The following INPP5B variants were observed in gnomAD, a reference collection of about 807,000 sequenced individuals.
INPP5B encodes the protein inositol polyphosphate-5-phosphatase B, also known as type II inositol 1,4,5-trisphosphate 5-phosphatase.
A neutral mutation model predicts 118.5 loss-of-function variants in INPP5B; 90 were observed. The observed-to-expected ratio is 0.76, with a 90% CI of 0.64 to 0.90. The LOEUF is 0.90. Ranked by LOEUF, INPP5B falls within the 40% of genes least tolerant of loss-of-function variation. The pLI, the probability that INPP5B is intolerant of heterozygous loss-of-function variation, is 0.00. For missense variants in INPP5B, 984 were observed against 1,125.6 expected, an observed-to-expected ratio of 0.87 and a Z score of 1.80; for synonymous variants, 385 against 418.9, an observed-to-expected ratio of 0.92 and a Z score of 0.99.
intron 7 of INPP5B, among the ~76,000 whole-genome samples, chr1:37,906,859 CAA>C (rs35095328): frequency 1.3e-3 from 169 of 128,858 alleles, no homozygotes; most frequent in Non-Finnish European, 1.3e-3. Context: ...GACTCTGTCT[CAA>C]AAAAAAAAAA....
At position 37,862,200 on chromosome 1, in the gene INPP5B, A is replaced by G. The variant is rs1322273752; in HGVS notation, c.*115T>C. On this transcript the variant is annotated 3_prime_UTR_variant, in exon 24 of 24. Transcript: ENST00000373024. ...AATTGGGGTACTAGGCTCAGGAAATAGCTGCCATTCTTGCTACCAAGTGGC... is the reference window on the plus strand; with the variant it reads ...AATTGGGGTACTAGGCTCAGGAAATGGCTGCCATTCTTGCTACCAAGTGGC... The G allele has an allele frequency of 3.5e-5, 24 of 691,854 alleles. No homozygotes were observed. Among genetic ancestry groups the G allele is most frequent in the Non-Finnish European group, 6.2e-5 (24 of 385,964 alleles). 42.9% of individuals were successfully genotyped at this position (691,854 alleles called of 1,614,324 possible). A position where few individuals can be genotyped will look rare whatever the true frequency, so the allele number is the denominator to read the frequency against.
intron 7 of INPP5B, among the ~76,000 whole-genome samples, chr1:37,893,544 G>C (rs1643909705): frequency 6.6e-6 from 1 of 152,078 alleles, no homozygotes; most frequent in Non-Finnish European, 1.5e-5. Context: ...GCTAGTCTAG[G>C]TTACCAACAT....
At chr1:37,879,004 TC>T (rs1354741817) in intron 15 of INPP5B, among the ~76,000 whole-genome samples, 1 of 143,768 alleles carries the variant, frequency 7.0e-6, no homozygotes, top group Non-Finnish European at 1.5e-5. Flanking sequence ...ACGCCTGTAA[TC>T]CCAGCACTTT....
chr1:37,941,773 C>T (rs1394253641), intron 5 of INPP5B, among the ~76,000 whole-genome samples: 2 of 141,962 alleles, frequency 1.4e-5, no homozygotes, highest in East Asian at 4.1e-4. Context: ...CCCGTCTCTA[C>T]TAAAAATACA....
chr1:37,937,061 C>T (rs1235623953), intron 6 of INPP5B, among the ~76,000 whole-genome samples: 1 of 151,952 alleles, frequency 6.6e-6, no homozygotes, highest in African/African-American at 2.4e-5. Context: ...ACCTGTATTC[C>T]CAGCACTTTG....
Position 37,888,326 on chromosome 1 carries a change from G to T in INPP5B, c.816C>A (p.Tyr272Ter). 6.5e-7 allele frequency: 1 copy of T among 1,549,774 alleles called. No individual in the cohort carries two copies. The highest frequency in any genetic ancestry group is 8.7e-7 in the Non-Finnish European group (1 of 1,149,146). Residue 272 changes from tyrosine (Y) to a stop codon, truncating the protein, a stop_gained, in exon 10 of 24, where the codon TAC becomes TAA. Coordinates refer to ENST00000373024, the MANE Select transcript of INPP5B (RefSeq NM_005540.3). LOFTEE classifies it high-confidence loss of function. ...IQNFRFFAGT[Y>*]NVNGQSPKEC... ...CTTTGGGGGACTGCCCATTTACATT[G>T]TATGTTCCCGCAAAAAACCTGTCAC... is the stretch of plus-strand genomic sequence containing the variant.
intron 23 of INPP5B, among the ~76,000 whole-genome samples, chr1:37,863,168 C>T (rs1252669250): frequency 6.6e-6 from 1 of 151,368 alleles, no homozygotes; most frequent in Non-Finnish European, 1.5e-5. Context: ...CTCCCACTGG[C>T]TCCCAGCCCT....
chr1:37,896,523 G>C (rs112548136), intron 7 of INPP5B, among the ~76,000 whole-genome samples: 1 of 144,364 alleles, frequency 6.9e-6, no homozygotes, highest in East Asian at 2.2e-4. Flanking sequence ...GGTGAGGGGC[G>C]CCTCTGCCCG....
At chr1:37,926,248 A>T (rs1645223349) in intron 7 of INPP5B, among the ~76,000 whole-genome samples, 1 of 152,118 alleles carries the variant, frequency 6.6e-6, no homozygotes, top group Non-Finnish European at 1.5e-5. Context: ...AAGAAAAAAT[A>T]CTTAAACACA....
At chr1:37,933,706 C>G (rs1274601406) in intron 6 of INPP5B, among the ~76,000 whole-genome samples, 1 of 147,716 alleles carries the variant, frequency 6.8e-6, no homozygotes, top group Admixed American at 6.9e-5. Context: ...GGTGACAGAG[C>G]TAGACTCTGT....
chr1:37,912,044 G>A (rs1221093517), intron 7 of INPP5B, among the ~76,000 whole-genome samples: 1 of 152,180 alleles, frequency 6.6e-6, no homozygotes, highest in East Asian at 1.9e-4. Context: ...CCTCGTCCCA[G>A]ACACCAGCCC....
intron 6 of INPP5B, 70 bp downstream of exon 6, chr1:37,940,617 GA>G (rs1376697362): frequency 5.9e-6 from 5 of 850,452 alleles, no homozygotes; most frequent in Non-Finnish European, 6.0e-6. Flanking sequence ...AAAGGGTGGA[GA>G]GTCAACTGGG....
At chr1:37,945,910 T>C in intron 2 of INPP5B, 60 bp from the exon 3 acceptor site, 3 of 1,472,642 alleles carry the variant, frequency 2.0e-6, no homozygotes, top group Non-Finnish European at 2.8e-6. Flanking sequence ...ACCCAGGCTG[T>C]CCCACCTTCC....
chr1:37,943,619 C>A (rs555097232), intron 5 of INPP5B, 21 bp downstream of exon 5: 19 of 1,613,752 alleles, frequency 1.2e-5, no homozygotes, highest in Admixed American at 1.0e-4. Flanking sequence ...GAGTGGGACC[C>A]AGACCAAGAG....
chr1:37,865,056 G>A (rs1641946108), intron 22 of INPP5B, among the ~76,000 whole-genome samples: 2 of 152,000 alleles, frequency 1.3e-5, no homozygotes, highest in African/African-American at 2.4e-5. Flanking sequence ...GCATGGTGGT[G>A]CACGCCTGTA....
chr1:37,905,465 ACTC>A (rs1172722902), intron 7 of INPP5B, among the ~76,000 whole-genome samples: 2 of 152,222 alleles, frequency 1.3e-5, no homozygotes, highest in Admixed American at 6.5e-5. Flanking sequence ...ATTATGGAAA[ACTC>A]CTATAATTCT....
intron 7 of INPP5B, among the ~76,000 whole-genome samples, chr1:37,902,508 T>C (rs1311789157): frequency 6.6e-6 from 1 of 152,154 alleles, no homozygotes; most frequent in Non-Finnish European, 1.5e-5. Context: ...GGCAGGAGGA[T>C]TGCTTGAGTC....
intron 7 of INPP5B, among the ~76,000 whole-genome samples, chr1:37,912,510 GT>G (rs1644733188): frequency 6.6e-6 from 1 of 152,112 alleles, no homozygotes; most frequent in African/African-American, 2.4e-5. Context: ...CCCACTACTT[GT>G]TCTGTGCCCC....
At chr1:37,920,223 C>T (rs562772077) in intron 7 of INPP5B, among the ~76,000 whole-genome samples, 3 of 152,212 alleles carry the variant, frequency 2.0e-5, no homozygotes, top group South Asian at 2.1e-4. Flanking sequence ...GATGAGAAAA[C>T]GAGAGGCTCA....
Sources: allele counts gnomAD v4.1 joint callset (sites outside exome capture counted in the v4.1 genomes callset), GRCh38; gene constraint gnomAD v4.1.1; transcripts MANE v1.5; gene names NCBI Gene and HGNC (gene_info 2026-07-23, HGNC 2026-07-21).